ZMIZ1: variants seen among roughly 807,000 people sequenced by gnomAD.
The protein encoded by ZMIZ1 is zinc finger MIZ domain-containing protein 1.
Under a neutral mutation model 113.9 loss-of-function variants are expected in ZMIZ1, and 17 were observed. That is an observed-to-expected ratio of 0.15 (90% confidence interval 0.10 to 0.22). The LOEUF is 0.22. ZMIZ1 is among the 10% of genes least tolerant of loss of function. The pLI is 1.00. For missense variants in ZMIZ1, 1,059 were observed against 1,477.8 expected (o/e 0.72, Z 4.65); for synonymous variants, 607 against 603.1 (o/e 1.01, Z -0.09).
intron 1 of ZMIZ1, among the ~76,000 whole-genome samples, chr10:79,112,574 T>C (rs1364212453): frequency 6.6e-6 from 1 of 152,132 alleles, no homozygotes; most frequent in African/African-American, 2.4e-5. Context: ...AATGTGTATC[T>C]GTCCTTGTAC....
In ZMIZ1 at chr10:79,312,791, AC is replaced by A. The variant is rs761130012; in HGVS notation, c.*46del. 3 of 1,574,184 alleles carry A rather than the reference AC, an allele frequency of 1.9e-6. No individual in the cohort carries two copies. Among genetic ancestry groups the A allele is most frequent in the East Asian group, 4.5e-5 (2 of 44,590 alleles). ...GCCATCCCTCCACACTCTGCATCCTACCCCACCTACCCAACACACTTTTCCA... is the reference window on the plus strand; with the variant it reads ...GCCATCCCTCCACACTCTGCATCCTACCCACCTACCCAACACACTTTTCCA... On this transcript the variant is annotated 3_prime_UTR_variant, in exon 25 of 25. Transcript: ENST00000334512.
chr10:79,306,411 A>AT, intron 22 of ZMIZ1, 67 bp downstream of exon 22: 1 of 1,573,394 alleles, frequency 6.4e-7, no homozygotes, highest in Non-Finnish European at 8.6e-7. Flanking sequence ...GAGGCACAGA[A>AT]TTTCTGTGCT....
intron 3 of ZMIZ1, among the ~76,000 whole-genome samples, chr10:79,141,272 G>C (rs950686419): frequency 6.6e-6 from 1 of 152,208 alleles, no homozygotes; most frequent in African/African-American, 2.4e-5. Flanking sequence ...ATATAGCAGG[G>C]AATAAAGCAG....
At chr10:79,131,845 G>GGCAGGA (rs10666084) in intron 2 of ZMIZ1, among the ~76,000 whole-genome samples, 66,904 of 151,580 alleles carry the variant, frequency 0.44, 16,944 homozygotes, top group East Asian at 0.71. Flanking sequence ...TTTGGCCAAA[G>GGCAGGA]GCACAACTTA....
At chr10:79,274,614 A>G (rs1201119521) in intron 7 of ZMIZ1, among the ~76,000 whole-genome samples, 1 of 136,212 alleles carries the variant, frequency 7.3e-6, no homozygotes, top group Admixed American at 7.1e-5. Context: ...ACTGCCCCGC[A>G]TGCGGCTGCC....
chr10:79,173,941 A>G (rs751686039), intron 4 of ZMIZ1, among the ~76,000 whole-genome samples: 1 of 152,144 alleles, frequency 6.6e-6, no homozygotes, highest in Non-Finnish European at 1.5e-5. Flanking sequence ...GACCCCTGCC[A>G]ACCAGAAAGA....
chr10:79,147,711 G>A (rs933932026), intron 3 of ZMIZ1, among the ~76,000 whole-genome samples: 1 of 152,194 alleles, frequency 6.6e-6, no homozygotes, highest in Non-Finnish European at 1.5e-5. Context: ...CCAGGAGGAT[G>A]CAACCCCTAC....
intron 1 of ZMIZ1, among the ~76,000 whole-genome samples, chr10:79,079,936 G>T (rs1842602558): frequency 6.6e-6 from 1 of 152,230 alleles, no homozygotes; most frequent in Admixed American, 6.5e-5. Context: ...TTCGGGGGCT[G>T]TGGGGACCAC....
At chr10:79,247,690 C>T (rs1007404138) in intron 7 of ZMIZ1, among the ~76,000 whole-genome samples, 1 of 152,188 alleles carries the variant, frequency 6.6e-6, no homozygotes, top group Admixed American at 6.5e-5. Flanking sequence ...TTTGTGTGTA[C>T]TGGGTGAATG....
chr10:79,110,332 C>A (rs1843692342), intron 1 of ZMIZ1, among the ~76,000 whole-genome samples: 1 of 152,166 alleles, frequency 6.6e-6, no homozygotes, highest in South Asian at 2.1e-4. Context: ...GGCCTTATTG[C>A]GATACCGGTG....
At chr10:79,140,786 T>C (rs957186036) in intron 3 of ZMIZ1, among the ~76,000 whole-genome samples, 1 of 152,130 alleles carries the variant, frequency 6.6e-6, no homozygotes, top group African/African-American at 2.4e-5. Context: ...TTTTTGTTTT[T>C]GTTTTTGTTT....
chr10:79,171,425 G>A (rs1326764292), intron 4 of ZMIZ1, among the ~76,000 whole-genome samples: 1 of 152,214 alleles, frequency 6.6e-6, no homozygotes, highest in Non-Finnish European at 1.5e-5. Flanking sequence ...GTTCACATGT[G>A]GTGCCTGGTA....
chr10:79,130,036 C>CG (rs2132367185), intron 2 of ZMIZ1, among the ~76,000 whole-genome samples: 1 of 152,198 alleles, frequency 6.6e-6, no homozygotes, highest in East Asian at 1.9e-4. Flanking sequence ...CAGAGGGCTG[C>CG]GGGGAGATGC....
intron 8 of ZMIZ1, among the ~76,000 whole-genome samples, chr10:79,279,224 G>T (rs111397976): frequency 1.3e-5 from 2 of 150,300 alleles, no homozygotes; most frequent in African/African-American, 2.5e-5. Flanking sequence ...GCTGCCGGGC[G>T]GTGGGGCTCC....
Position 79,078,719 on chromosome 10 carries a change from A to ATTTT in ZMIZ1, c.-337+9459_-337+9462dup, listed in dbSNP as rs10673987. 4.8e-5 allele frequency among the ~76,000 whole-genome samples: 6 copies of ATTTT among 125,076 alleles called. 1 individual carries two copies. Among genetic ancestry groups the ATTTT allele is most frequent in the Admixed American group, 1.6e-4 (2 of 12,364 alleles). The allele number at this position is 125,076 out of a possible 152,430, so 82.1% of individuals were successfully genotyped here. ...GCACCCATGCCCAGCTAATTTTTGT[A>ATTTT]TTTTTTTTTTTTTGCATATGGTGTT... On this transcript the variant is annotated intron_variant, in intron 1 of 24. Transcript: ENST00000334512.
chr10:79,183,122 G>A (rs1385668123), intron 4 of ZMIZ1, among the ~76,000 whole-genome samples: 1 of 152,234 alleles, frequency 6.6e-6, no homozygotes, highest in Non-Finnish European at 1.5e-5. Flanking sequence ...CAGCCAGAGG[G>A]ACCTGTCAGA....
chr10:79,111,618 C>T (rs1843742643), intron 1 of ZMIZ1, among the ~76,000 whole-genome samples: 1 of 152,214 alleles, frequency 6.6e-6, no homozygotes, highest in South Asian at 2.1e-4. Flanking sequence ...GAGACCTTGG[C>T]ACCAGCTACT....
At chr10:79,283,705 A>T (rs1044698277) in intron 8 of ZMIZ1, among the ~76,000 whole-genome samples, 3 of 152,250 alleles carry the variant, frequency 2.0e-5, no homozygotes, top group Non-Finnish European at 4.4e-5. Flanking sequence ...TCAGTTCCAG[A>T]TGGCCAAGAT....
intron 2 of ZMIZ1, among the ~76,000 whole-genome samples, chr10:79,128,753 T>G (rs1844625668): frequency 6.6e-6 from 1 of 152,140 alleles, no homozygotes; most frequent in African/African-American, 2.4e-5. Context: ...GTTTGTCCAG[T>G]TCTTGCCCTG....
Sources: allele counts gnomAD v4.1 joint callset (sites outside exome capture counted in the v4.1 genomes callset), GRCh38; gene constraint gnomAD v4.1.1; transcripts MANE v1.5; gene names NCBI Gene and HGNC (gene_info 2026-07-23, HGNC 2026-07-21).